Variants in CSMD1 observed in about 807,000 individuals in gnomAD.
CSMD1 encodes the protein CUB and Sushi multiple domains 1.
CSMD1 carries 213 observed loss-of-function variants against 417.5 expected under a neutral mutation model. The ratio of observed to expected loss-of-function variants is 0.51; its 90% confidence interval spans 0.46 to 0.57. The LOEUF (loss-of-function observed/expected upper bound fraction) is 0.57, where lower values mean the gene tolerates loss of function less well. Ranked by LOEUF, CSMD1 falls within the 20% of genes least tolerant of loss-of-function variation. The pLI is 0.00. For missense variants in CSMD1, 6,923 were observed against 4,529.7 expected, an observed-to-expected ratio of 1.53 and a Z score of -15.17; for synonymous variants, 2,862 against 1,736.8, an observed-to-expected ratio of 1.65 and a Z score of -16.11.
intron 3 of CSMD1, among the ~76,000 whole-genome samples, chr8:4,066,939 T>G (rs879545739): frequency 9.2e-5 from 14 of 152,240 alleles, no homozygotes; most frequent in Non-Finnish European, 1.9e-4. Flanking sequence ...CTATTTGTAT[T>G]GTGTAAATAC....
chr8:4,168,833 G>A lies in CSMD1; in HGVS notation c.416-136734C>T, dbSNP rs370662897. Among the ~76,000 whole-genome samples, 6 of 151,852 alleles carry A rather than the reference G, an allele frequency of 4.0e-5. No individual in the cohort carries two copies. In the East Asian group the frequency reaches 5.8e-4, roughly 15 times the overall value. On this transcript the variant is annotated intron_variant, in intron 3 of 69. Coordinates refer to ENST00000635120, the MANE Select transcript of CSMD1 (RefSeq NM_033225.6). Reference sequence around the variant, plus strand: ...TGAACTAACTTCATTCCGGCTCTCTGTTGTCTTCAGCCTCCACCACAGTTG... The same window carrying A: ...TGAACTAACTTCATTCCGGCTCTCTATTGTCTTCAGCCTCCACCACAGTTG...
At chr8:3,914,235 T>A (rs1808651753) in intron 5 of CSMD1, among the ~76,000 whole-genome samples, 2 of 152,024 alleles carry the variant, frequency 1.3e-5, no homozygotes, top group South Asian at 4.2e-4. Flanking sequence ...AGGGCTAGAA[T>A]AGAGTAGATA....
At chr8:4,262,633 C>A (rs1446692395) in intron 3 of CSMD1, among the ~76,000 whole-genome samples, 2 of 152,076 alleles carry the variant, frequency 1.3e-5, no homozygotes, top group African/African-American at 4.8e-5. Flanking sequence ...CCATCGCCAC[C>A]CAGTTAGCCT....
intron 8 of CSMD1, among the ~76,000 whole-genome samples, chr8:3,608,776 A>C (rs1226991829): frequency 6.6e-6 from 1 of 151,520 alleles, no homozygotes; most frequent in Admixed American, 6.6e-5. Flanking sequence ...AAAAAAAAAA[A>C]AATCATAACG....
intron 16 of CSMD1, among the ~76,000 whole-genome samples, chr8:3,398,914 G>C (rs980874931): frequency 6.6e-6 from 1 of 152,132 alleles, no homozygotes; most frequent in Non-Finnish European, 1.5e-5. Flanking sequence ...GTCACTCATA[G>C]GCGATTAGTT....
chr8:3,395,756 T>A (rs1326361933), intron 17 of CSMD1, among the ~76,000 whole-genome samples: 2 of 152,210 alleles, frequency 1.3e-5, no homozygotes, highest in Non-Finnish European at 1.5e-5. Flanking sequence ...GAAACGTGTC[T>A]ATCTATACTC....
intron 5 of CSMD1, among the ~76,000 whole-genome samples, chr8:3,842,139 C>G (rs780759841): frequency 6.6e-6 from 1 of 152,168 alleles, no homozygotes; most frequent in Non-Finnish European, 1.5e-5. Context: ...ATCTCTTCTC[C>G]TTGTCAAACA....
intron 25 of CSMD1, among the ~76,000 whole-genome samples, chr8:3,287,280 T>C (rs1239866714): frequency 6.6e-6 from 1 of 151,572 alleles, no homozygotes; most frequent in Non-Finnish European, 1.5e-5. Context: ...GACTTGGTGA[T>C]TCGGGCTCTT....
chr8:4,112,782 G>C (rs557918983), intron 3 of CSMD1, among the ~76,000 whole-genome samples: 2 of 152,130 alleles, frequency 1.3e-5, no homozygotes, highest in Admixed American at 6.5e-5. Flanking sequence ...GGCTCCAAAC[G>C]TTAGAATTTT....
chr8:3,709,680 GT>G (rs56272726), intron 6 of CSMD1, among the ~76,000 whole-genome samples: 741 of 33,604 alleles, frequency 0.022, 4 homozygotes, highest in African/African-American at 0.039. Context: ...GCAGCAGCAT[GT>G]TTTTTTTTTT....
chr8:4,583,187 C>G (rs1423822292), intron 2 of CSMD1, among the ~76,000 whole-genome samples: 1 of 152,206 alleles, frequency 6.6e-6, no homozygotes, highest in Admixed American at 6.5e-5. Context: ...CCAGTCCCAT[C>G]CACCACCCAA....
intron 5 of CSMD1, among the ~76,000 whole-genome samples, chr8:3,769,444 G>A (rs1333032711): frequency 1.3e-5 from 2 of 151,124 alleles, no homozygotes; most frequent in East Asian, 1.9e-4. Context: ...AGTGTAAAGT[G>A]ACAGGCTGAA....
At chr8:3,996,350 T>G (rs1815214715) in intron 5 of CSMD1, among the ~76,000 whole-genome samples, 1 of 152,214 alleles carries the variant, frequency 6.6e-6, no homozygotes, top group South Asian at 2.1e-4. Context: ...CCACAATAAT[T>G]TTAAAACTAG....
In CSMD1 at chr8:3,870,115, A is replaced by T. The variant is rs2129111826; in HGVS notation, c.819-116073T>A. Among the ~76,000 whole-genome samples, 2 of 152,266 alleles carry T rather than the reference A, an allele frequency of 1.3e-5. 1 individual carries two copies. The highest frequency in any genetic ancestry group is 4.1e-4 in the South Asian group (2 of 4,826). Reference sequence around the variant, plus strand: ...ATCTACTAATAACATGCACTCTATAAACAGGTAGAATAAAAACAGAGATTA... The same window carrying T: ...ATCTACTAATAACATGCACTCTATATACAGGTAGAATAAAAACAGAGATTA... On this transcript the variant is annotated intron_variant, in intron 5 of 69. Coordinates refer to ENST00000635120, the MANE Select transcript of CSMD1 (RefSeq NM_033225.6).
At chr8:3,826,064 CT>C (rs1585052613) in intron 5 of CSMD1, among the ~76,000 whole-genome samples, 1 of 152,162 alleles carries the variant, frequency 6.6e-6, no homozygotes, top group East Asian at 1.9e-4. Context: ...ACATAGACAT[CT>C]TTTGTAACAC....
At chr8:4,155,588 C>G (rs1796793411) in intron 3 of CSMD1, among the ~76,000 whole-genome samples, 1 of 152,118 alleles carries the variant, frequency 6.6e-6, no homozygotes, top group African/African-American at 2.4e-5. Flanking sequence ...AATTGTGAGT[C>G]ATTTTTTCAG....
At position 4,588,970 on chromosome 8, in the gene CSMD1, A is replaced by C. The variant is rs543540893; in HGVS notation, c.302+48372T>G. On this transcript the variant is annotated intron_variant, in intron 2 of 69. Transcript: ENST00000635120. ...TTTAAGTATAGTAGAGCCAAGTACA[A>C]TATACTATATATAATATACATTATA... is the stretch of plus-strand genomic sequence containing the variant. Among the ~76,000 whole-genome samples, 43 of 152,248 alleles carry C rather than the reference A, an allele frequency of 2.8e-4. No homozygotes were observed. The South Asian group carries it at 8.9e-3, about 32-fold the overall frequency.
chr8:4,308,957 C>G (rs1298813736), intron 3 of CSMD1, among the ~76,000 whole-genome samples: 1 of 152,130 alleles, frequency 6.6e-6, no homozygotes, highest in Non-Finnish European at 1.5e-5. Context: ...CAAATACTCC[C>G]TGTAACCTTC....
At chr8:3,730,469 C>G (rs975449796) in intron 6 of CSMD1, among the ~76,000 whole-genome samples, 1 of 150,472 alleles carries the variant, frequency 6.6e-6, no homozygotes, top group African/African-American at 2.4e-5. Flanking sequence ...AGAAGGCTCT[C>G]AAGAGATCCA....
Sources: gnomAD v4.1 joint callset for allele counts (sites outside exome capture counted in the v4.1 genomes callset) on GRCh38, gnomAD v4.1.1 for gene constraint, MANE v1.5 for transcripts, NCBI Gene and HGNC (gene_info 2026-07-23, HGNC 2026-07-21) for gene names.